The following CCDC61 variants were observed in gnomAD, a reference collection of about 807,000 sequenced individuals.
CCDC61 encodes coiled-coil domain containing 61, also known as centrosomal protein CCDC61.
Under a neutral mutation model 63.0 loss-of-function variants are expected in CCDC61, and 55 were observed. The ratio of observed to expected loss-of-function variants is 0.87; its 90% CI spans 0.70 to 1.09. CCDC61 has a LOEUF of 1.09. Ranked by LOEUF, CCDC61 falls within the 50% of genes least tolerant of loss-of-function variation. The pLI is 0.00. For missense variants in CCDC61, 651 were observed against 731.4 expected, an observed-to-expected ratio of 0.89 and a Z score of 1.27; for synonymous variants, 270 against 317.0, an observed-to-expected ratio of 0.85 and a Z score of 1.58.
chr19:46,016,897 G>T lies in CCDC61; in HGVS notation c.1231+64G>T. 1 of 1,168,240 alleles carries T rather than the reference G, an allele frequency of 8.6e-7. No individual in the cohort carries two copies. The allele number at this position is 1,168,240 out of a possible 1,614,324, so 72.4% of individuals were successfully genotyped here. On this transcript the variant is annotated intron_variant, in intron 10 of 13. Coordinates refer to ENST00000595358, the MANE Select transcript of CCDC61 (RefSeq NM_001267723.2). This position sits in a 1 kb window ranked among gnomAD's most constrained non-coding sequence, Gnocchi z 7.2. Reference sequence around the variant, plus strand: ...GACTGGGCGGGGCTGGGCGGGCTGGGAGGCACTGGGCAGGGCGGGCGGGCT... The same window carrying T: ...GACTGGGCGGGGCTGGGCGGGCTGGTAGGCACTGGGCAGGGCGGGCGGGCT...
In CCDC61 at chr19:46,016,808, C is replaced by G. The variant is rs1968949141; in HGVS notation, c.1206C>G (p.Asn402Lys). ...TGACTGGCCGAGGGGACGCCCCTAA[C>G]CGCTCCCGAAACCGCAGCTCCTCAG... ...AALTGRGDAPNRSRNRSSSVD... is the reference protein window; with the variant it reads ...AALTGRGDAPKRSRNRSSSVD... The change falls in exon 10 of 14, where the codon AAC (asparagine) becomes AAG (lysine). Residue 402 changes from asparagine to lysine, a missense_variant. Coordinates refer to ENST00000595358, the MANE Select transcript of CCDC61 (RefSeq NM_001267723.2). The surrounding 1 kb of genome is among the most constrained non-coding windows in gnomAD (Gnocchi z 7.2). 3 of 1,526,662 alleles carry G rather than the reference C, an allele frequency of 2.0e-6. No homozygotes were observed. Among genetic ancestry groups the G allele is most frequent in the African/African-American group, 1.4e-5 (1 of 72,418 alleles). The allele number at this position is 1,526,662 out of a possible 1,614,324, so 94.6% of individuals were successfully genotyped here.
chr19:45,997,844 G>A (rs924170707), intron 1 of CCDC61, among the ~76,000 whole-genome samples: 14 of 151,980 alleles, frequency 9.2e-5, no homozygotes, highest in African/African-American at 3.4e-4. Context: ...ATGCCACCAC[G>A]CCTGGCTAAT....
At position 46,000,502 on chromosome 19, in the gene CCDC61, T is replaced by G. The variant is rs532539757; in HGVS notation, c.-11-2506T>G. Reference sequence around the variant, plus strand: ...TTGGACGGGAGAGAGGGGGCTGGTTTCCGGGGAATGTAGCATGAGGGTTGG... The same window carrying G: ...TTGGACGGGAGAGAGGGGGCTGGTTGCCGGGGAATGTAGCATGAGGGTTGG... On this transcript the variant is annotated intron_variant, in intron 1 of 13. Transcript: ENST00000595358. 4.0e-5 allele frequency among the ~76,000 whole-genome samples: 6 copies of G among 151,670 alleles called. No homozygotes were observed. In the South Asian group the frequency reaches 1.3e-3, roughly 32 times the overall value.
At position 45,995,474 on chromosome 19, in the gene CCDC61, C is replaced by A; in HGVS notation, c.-42C>A. On this transcript the variant is annotated 5_prime_UTR_variant, in exon 1 of 14. Coordinates refer to ENST00000595358, the MANE Select transcript of CCDC61 (RefSeq NM_001267723.2). ...CGGGGCTGGAGCTTCGTCAGTTGAA[C>A]CGCTCGCGAGGAGGGTTGCTAGTGG... 1.9e-6 allele frequency: 1 copy of A among 530,854 alleles called. No homozygotes were observed. The highest frequency in any genetic ancestry group is 3.9e-6 in the Non-Finnish European group (1 of 258,564). 32.9% of individuals were successfully genotyped at this position (530,854 alleles called of 1,614,324 possible).
intron 1 of CCDC61, among the ~76,000 whole-genome samples, chr19:46,001,512 A>G (rs1237087424): frequency 1.3e-5 from 2 of 152,102 alleles, no homozygotes; most frequent in East Asian, 1.9e-4. Context: ...GCGTGAGCCA[A>G]CGCACACGGA....
At chr19:46,013,910 A>T (rs1170296945) in intron 5 of CCDC61, among the ~76,000 whole-genome samples, 2 of 151,584 alleles carry the variant, frequency 1.3e-5, no homozygotes, top group African/African-American at 2.4e-5. Flanking sequence ...TTTTGGCCTT[A>T]GGCTATATCC....
chr19:46,002,773 G>A (rs760192996), intron 1 of CCDC61, among the ~76,000 whole-genome samples: 1 of 152,152 alleles, frequency 6.6e-6, no homozygotes, highest in African/African-American at 2.4e-5. Context: ...CCAGGTCACA[G>A]TACCAAGTAC....
chr19:46,015,248 C>T lies in CCDC61; in HGVS notation c.751C>T (p.Leu251=). ...CCGTCGCGGCCAGGACTGCCGCCGT[C>T]TGGCCAAGGAGGTGAGCAGCGGGGG... ...AGRRGQDCRR[L]AKELEEAKAS... Residue 251 remains leucine (L), a synonymous_variant, in exon 6 of 14, where the codon CTG becomes TTG. Coordinates refer to ENST00000595358, the MANE Select transcript of CCDC61 (RefSeq NM_001267723.2). The surrounding 1 kb of genome is among the most constrained non-coding windows in gnomAD (Gnocchi z 5.3). 1.4e-6 allele frequency: 2 copies of T among 1,415,028 alleles called. No homozygotes were observed. The highest frequency in any genetic ancestry group is 1.5e-5 in the South Asian group (1 of 66,496). 87.7% of individuals were successfully genotyped at this position (1,415,028 alleles called of 1,614,324 possible).
In CCDC61 at chr19:46,018,339, C is replaced by T. The variant is rs1446139800; in HGVS notation, c.1491C>T (p.Arg497=). 1 of 1,577,130 alleles carries T rather than the reference C, an allele frequency of 6.3e-7. No homozygotes were observed. Among genetic ancestry groups the T allele is most frequent in the Non-Finnish European group, 8.6e-7 (1 of 1,161,940 alleles). Residue 497 remains arginine (R), a synonymous_variant, in exon 14 of 14, where the codon CGC becomes CGT. Coordinates refer to ENST00000595358, the MANE Select transcript of CCDC61 (RefSeq NM_001267723.2). This position sits in a 1 kb window ranked among gnomAD's most constrained non-coding sequence, Gnocchi z 4.2. The stretch of plus-strand genomic sequence containing the variant: ...CTGACATGGCCGAAATAGACGCACG[C>T]CTGAAGGCCTTGCAGGAGTACATGA... The part of the protein sequence containing the change: ...QAADMAEIDA[R]LKALQEYMNR...
chr19:45,997,153 G>A (rs937957127), intron 1 of CCDC61, among the ~76,000 whole-genome samples: 2 of 151,984 alleles, frequency 1.3e-5, no homozygotes, highest in African/African-American at 4.8e-5. Flanking sequence ...CTTTGTACTC[G>A]CTGTCCCTGA....
At chr19:46,004,217 G>A (rs1484962153) in intron 3 of CCDC61, among the ~76,000 whole-genome samples, 1 of 152,172 alleles carries the variant, frequency 6.6e-6, no homozygotes, top group African/African-American at 2.4e-5. Flanking sequence ...TGGGATTACA[G>A]ACGTGAACCA....
intron 3 of CCDC61, 119 bp from the exon 4 acceptor site, chr19:46,006,440 G>A (rs770117259): frequency 1.1e-4 from 99 of 938,354 alleles, no homozygotes; most frequent in Non-Finnish European, 1.3e-4. Context: ...GCCAGCCTTC[G>A]CGTAGGAAAG....
At chr19:45,995,646 A>G in intron 1 of CCDC61, 142 bp downstream of exon 1, 5 of 360,486 alleles carry the variant, frequency 1.4e-5, no homozygotes, top group South Asian at 1.0e-4. Flanking sequence ...GTGCCCTTTA[A>G]CAAGGGTAGG....
intron 1 of CCDC61, among the ~76,000 whole-genome samples, chr19:45,999,559 G>A (rs1312012686): frequency 5.9e-5 from 9 of 152,124 alleles, no homozygotes; most frequent in Admixed American, 5.9e-4. Context: ...GCAGTGATTT[G>A]CCCGTGTCTG....
At chr19:46,014,983 C>A (rs1968895097) in intron 5 of CCDC61, 66 bp from the exon 6 acceptor site, 10 of 1,357,762 alleles carry the variant, frequency 7.4e-6, no homozygotes, top group South Asian at 1.3e-5. Context: ...AGGCGTCCCA[C>A]CCCCATGGAG....
chr19:46,005,268 C>CT (rs1968684450), intron 3 of CCDC61, among the ~76,000 whole-genome samples: 1 of 151,722 alleles, frequency 6.6e-6, no homozygotes. Flanking sequence ...CCTCGGCCTC[C>CT]CAAAGTGCTG....
chr19:46,001,168 G>C (rs978922054), intron 1 of CCDC61, among the ~76,000 whole-genome samples: 1 of 152,100 alleles, frequency 6.6e-6, no homozygotes, highest in Non-Finnish European at 1.5e-5. Flanking sequence ...CTGCATTGGG[G>C]TCAGGGGATG....
At chr19:46,017,936 A>G (rs1453837488) in intron 12 of CCDC61, 142 bp from the exon 13 acceptor site, 3 of 677,748 alleles carry the variant, frequency 4.4e-6, no homozygotes, top group Non-Finnish European at 7.6e-6. Context: ...TTAGGAGGTT[A>G]TTTTGCAGAT....
At position 46,018,405 on chromosome 19, in the gene CCDC61, A is replaced by AC. The variant is rs1968997644; in HGVS notation, c.*22dup. On this transcript the variant is annotated 3_prime_UTR_variant, in exon 14 of 14. Transcript: ENST00000595358. This position sits in a 1 kb window ranked among gnomAD's most constrained non-coding sequence, Gnocchi z 4.2. ...GGTCATAACGTGGAGAAGGGGTACT[A>AC]CCCCTCCATCCCCCACCCACTTGCT... is the stretch of plus-strand genomic sequence containing the variant. The AC allele has an allele frequency of 6.5e-7, 1 of 1,546,338 alleles. No homozygotes were observed. The highest frequency in any genetic ancestry group is 8.8e-7 in the Non-Finnish European group (1 of 1,141,672).
Sources: allele counts gnomAD v4.1 joint callset (sites outside exome capture counted in the v4.1 genomes callset), GRCh38; gene constraint gnomAD v4.1.1; non-coding constraint Gnocchi (gnomAD v3.1); transcripts MANE v1.5; gene names NCBI Gene and HGNC (gene_info 2026-07-23, HGNC 2026-07-21).